LPAR3: variants seen among roughly 807,000 people sequenced by gnomAD.
LPAR3 encodes lysophosphatidic acid receptor 3.
LPAR3 carries 7 observed loss-of-function variants against 17.8 expected under a neutral mutation model. That is an observed-to-expected ratio of 0.39 (90% CI 0.22 to 0.74). The LOEUF (loss-of-function observed/expected upper bound fraction) is 0.74. Among genes scored for constraint, LPAR3 ranks in the 30% least tolerant of loss-of-function variants. The probability of loss-of-function intolerance (pLI) is 0.40; values close to 1 mark genes in which losing one functional copy is unlikely to be tolerated. For synonymous variants in LPAR3, 179 were observed against 179.9 expected (o/e 0.99, Z 0.04); for missense variants, 391 against 453.4 (o/e 0.86, Z 1.25).
At chr1:84,817,261 T>TCACACACACACACACA (rs71097861) in intron 2 of LPAR3, among the ~76,000 whole-genome samples, 2,573 of 147,480 alleles carry the variant, frequency 0.017, 24 homozygotes, top group Non-Finnish European at 0.021. Context: ...CCAGGATCTA[T>TCACACACACACACACA]CACACACACA....
At chr1:84,864,165 T>C (rs1022024427) in intron 2 of LPAR3, among the ~76,000 whole-genome samples, 3 of 151,294 alleles carry the variant, frequency 2.0e-5, no homozygotes, top group African/African-American at 7.3e-5. Context: ...TGAGCTGAGA[T>C]TGCACCACTG....
intron 2 of LPAR3, among the ~76,000 whole-genome samples, chr1:84,823,975 T>A (rs1443577049): frequency 1.3e-5 from 2 of 152,212 alleles, no homozygotes; most frequent in Non-Finnish European, 2.9e-5. Flanking sequence ...AGTCCTCTGT[T>A]GCAACTTACC....
chr1:84,843,191 T>C (rs1281682801), intron 2 of LPAR3, among the ~76,000 whole-genome samples: 1 of 152,204 alleles, frequency 6.6e-6, no homozygotes. Flanking sequence ...CCTTCACATT[T>C]AAAACTCCAT....
At chr1:84,864,913 G>A (rs1183370136) in intron 2 of LPAR3, among the ~76,000 whole-genome samples, 1 of 151,832 alleles carries the variant, frequency 6.6e-6, no homozygotes, top group African/African-American at 2.4e-5. Flanking sequence ...CCCTCTGCTC[G>A]ATCCATGCAG....
At chr1:84,881,847 T>C (rs1285694409) in intron 1 of LPAR3, among the ~76,000 whole-genome samples, 6 of 152,142 alleles carry the variant, frequency 3.9e-5, no homozygotes, top group Admixed American at 3.3e-4. Flanking sequence ...GCCGAGTATT[T>C]AAAGAGCATG....
At chr1:84,884,775 G>A (rs1228675842) in intron 1 of LPAR3, among the ~76,000 whole-genome samples, 2 of 152,164 alleles carry the variant, frequency 1.3e-5, no homozygotes, top group Non-Finnish European at 2.9e-5. Context: ...GTAATAACCT[G>A]GTAGCAATCC....
At chr1:84,865,268 C>T (rs1299451707) in intron 2 of LPAR3, 117 bp downstream of exon 2, 4 of 1,161,268 alleles carry the variant, frequency 3.4e-6, no homozygotes, top group South Asian at 1.7e-5. Flanking sequence ...GATTTATGTC[C>T]GTTCTTGTTC....
chr1:84,820,256 T>G (rs1433554290), intron 2 of LPAR3, among the ~76,000 whole-genome samples: 1 of 152,224 alleles, frequency 6.6e-6, no homozygotes, highest in Non-Finnish European at 1.5e-5. Context: ...AGGTGTGTTC[T>G]AAGCTCCCTA....
chr1:84,828,917 T>C lies in LPAR3; in HGVS notation c.737-14746A>G, dbSNP rs998617859. 4.8e-4 allele frequency among the ~76,000 whole-genome samples: 73 copies of C among 152,276 alleles called. 1 individual carries two copies. Among genetic ancestry groups the C allele is most frequent in the African/African-American group, 1.5e-3 (64 of 41,564 alleles). Reference sequence around the variant, plus strand: ...TCATGCATAATCCAACAAGTATTTATTAAGCCCCCACCAGGAGCCAACGTT... The same window carrying C: ...TCATGCATAATCCAACAAGTATTTACTAAGCCCCCACCAGGAGCCAACGTT... On this transcript the variant is annotated intron_variant, in intron 2 of 2. Transcript: ENST00000370611.
chr1:84,859,230 T>C (rs775486209), intron 2 of LPAR3, among the ~76,000 whole-genome samples: 18 of 152,200 alleles, frequency 1.2e-4, no homozygotes, highest in Admixed American at 3.3e-4. Flanking sequence ...TTATGGTACT[T>C]AATTTTCACC....
chr1:84,849,671 G>A (rs960729007), intron 2 of LPAR3, among the ~76,000 whole-genome samples: 1 of 152,134 alleles, frequency 6.6e-6, no homozygotes, highest in Non-Finnish European at 1.5e-5. Flanking sequence ...TCTCTGCCAC[G>A]TAGCACCAGT....
chr1:84,857,563 C>T (rs955128927), intron 2 of LPAR3, among the ~76,000 whole-genome samples: 4 of 152,192 alleles, frequency 2.6e-5, no homozygotes, highest in African/African-American at 9.7e-5. Context: ...GAGATGTTTT[C>T]ATAGCTGTCA....
chr1:84,860,739 T>G (rs2102763154), intron 2 of LPAR3, among the ~76,000 whole-genome samples: 1 of 117,770 alleles, frequency 8.5e-6, no homozygotes, highest in East Asian at 2.1e-4. Context: ...ATTTAATTTT[T>G]TTTTTTTTTT....
chr1:84,867,543 C>CT (rs59270501), intron 1 of LPAR3, among the ~76,000 whole-genome samples: 6,041 of 151,794 alleles, frequency 0.04, 180 homozygotes, highest in Middle Eastern at 0.065. Flanking sequence ...GTATCTCAGT[C>CT]TTTTTTTTAA....
chr1:84,858,362 TA>T (rs1398025702), intron 2 of LPAR3, among the ~76,000 whole-genome samples: 1 of 151,194 alleles, frequency 6.6e-6, no homozygotes, highest in African/African-American at 2.4e-5. Context: ...CACATGCCTA[TA>T]ATCCCAACTA....
chr1:84,868,579 T>A (rs762911230), intron 1 of LPAR3, among the ~76,000 whole-genome samples: 1 of 152,218 alleles, frequency 6.6e-6, no homozygotes, highest in East Asian at 1.9e-4. Context: ...ATGGTCTGAA[T>A]GTTTGTGTGC....
chr1:84,814,829 C>T (rs1658901980), intron 2 of LPAR3, among the ~76,000 whole-genome samples: 1 of 152,110 alleles, frequency 6.6e-6, no homozygotes. Context: ...ATTTTTTGGT[C>T]AGAAATAAAT....
chr1:84,831,449 C>T, intron 2 of LPAR3, among the ~76,000 whole-genome samples: 1 of 152,026 alleles, frequency 6.6e-6, no homozygotes, highest in East Asian at 1.9e-4. Context: ...TAGCAGGACT[C>T]CATCTCTAAA....
chr1:84,813,667 A>G lies in LPAR3; in HGVS notation c.*179T>C. The G allele has an allele frequency of 1.7e-6, 1 of 577,184 alleles. No individual in the cohort carries two copies. Among genetic ancestry groups the G allele is most frequent in the East Asian group, 2.8e-5 (1 of 35,330 alleles). The allele number at this position is 577,184 out of a possible 1,614,324, so 35.8% of individuals were successfully genotyped here. On this transcript the variant is annotated 3_prime_UTR_variant, in exon 3 of 3. Transcript: ENST00000370611. ...TTTCTGTGCTTTCTCTAAATGCAGC[A>G]GGTCCTCTCTTTACTGCCCATGCTT...
Sources: allele counts gnomAD v4.1 joint callset (sites outside exome capture counted in the v4.1 genomes callset), GRCh38; gene constraint gnomAD v4.1.1; transcripts MANE v1.5; gene names NCBI Gene and HGNC (gene_info 2026-07-23, HGNC 2026-07-21).